DNAJC21: variants seen among roughly 807,000 people sequenced by gnomAD.
The protein encoded by DNAJC21 is dnaJ homolog subfamily C member 21.
DNAJC21 carries 63 observed loss-of-function variants against 72.4 expected under a neutral mutation model. The ratio of observed to expected loss-of-function variants is 0.87; its 90% confidence interval spans 0.71 to 1.07. DNAJC21 has a LOEUF of 1.07. Ranked by LOEUF, DNAJC21 falls within the 50% of genes least tolerant of loss-of-function variation. DNAJC21 has a pLI of 0.00. For missense variants in DNAJC21, 634 were observed against 644.8 expected (o/e 0.98, Z 0.18); for synonymous variants, 203 against 216.7 (o/e 0.94, Z 0.56).
chr5:34,937,462 G>A lies in DNAJC21; in HGVS notation c.575G>A (p.Arg192Gln), dbSNP rs372281449. 15 of 1,613,966 alleles carry A rather than the reference G, an allele frequency of 9.3e-6. No individual in the cohort carries two copies. The highest frequency in any genetic ancestry group is 2.2e-5 in the South Asian group (2 of 91,074). Residue 192 changes from arginine (R) to glutamine (Q), a missense_variant, in exon 5 of 12, where the codon CGG becomes CAG. Coordinates refer to ENST00000648817, the MANE Select transcript of DNAJC21 (RefSeq NM_001012339.3). ...RAMEKENKKI[R>Q]DKARKEKNEL... ...ATGGAAAAAGAAAACAAAAAGATTC[G>A]GGACAAAGCAAGGAAAGAGAAGAAT... is the stretch of plus-strand genomic sequence containing the variant.
Position 34,950,173 on chromosome 5 carries a change from T to C in DNAJC21, c.1189T>C (p.Tyr397His). Residue 397 changes from tyrosine (Y) to histidine (H), a missense_variant, in exon 10 of 12, where the codon TAT becomes CAT. Transcript: ENST00000648817. ...GCACATATGTTTTATTACCTAGAAT[T>C]ATGATGACAATTTCAATGTAAATGG... ...KKKKQKPAQN[Y>H]DDNFNVNGPG... 2 of 1,603,004 alleles carry C rather than the reference T, an allele frequency of 1.2e-6. No individual in the cohort carries two copies. The highest frequency in any genetic ancestry group is 1.7e-6 in the Non-Finnish European group (2 of 1,176,416).
chr5:34,946,004 A>T (rs1008541719), intron 9 of DNAJC21, among the ~76,000 whole-genome samples: 1 of 152,168 alleles, frequency 6.6e-6, no homozygotes, highest in African/African-American at 2.4e-5. Context: ...AACAAACTTA[A>T]TTATGACTGC....
rs1352873180 is a variant in DNAJC21 at position 34,954,696 on chromosome 5, GA to G, written c.1581del (p.Lys527AsnfsTer14). 1 of 1,607,662 alleles carries G rather than the reference GA, an allele frequency of 6.2e-7. No homozygotes were observed. Among genetic ancestry groups the G allele is most frequent in the Admixed American group, 1.7e-5 (1 of 58,674 alleles). ...CAACAAGTAGTCAAAGCAAGAAAGA[GA>G]AACGTAAAAACAGATAGAGATTCTG... ...SATSSQSKKE[K>X]RKNR On this transcript the variant is annotated frameshift_variant, in exon 12 of 12. Transcript: ENST00000648817. LOFTEE classifies it high-confidence loss of function.
At chr5:34,944,596 G>A (rs1765111295) in intron 7 of DNAJC21, among the ~76,000 whole-genome samples, 1 of 151,944 alleles carries the variant, frequency 6.6e-6, no homozygotes, top group Non-Finnish European at 1.5e-5. Flanking sequence ...GTAGATAAAA[G>A]GACAGAGAAA....
At chr5:34,938,397 G>A (rs1336333557) in intron 5 of DNAJC21, among the ~76,000 whole-genome samples, 1 of 152,210 alleles carries the variant, frequency 6.6e-6, no homozygotes, top group African/African-American at 2.4e-5. Flanking sequence ...CCACCGTGCA[G>A]TACTGCCTTT....
chr5:34,940,418 A>G (rs1365872286), intron 6 of DNAJC21, among the ~76,000 whole-genome samples: 1 of 152,230 alleles, frequency 6.6e-6, no homozygotes, highest in Non-Finnish European at 1.5e-5. Flanking sequence ...AACATGTAGA[A>G]TATGGAAGAT....
intron 4 of DNAJC21, 123 bp from the exon 5 acceptor site, chr5:34,937,203 T>G: frequency 2.0e-6 from 2 of 977,774 alleles, no homozygotes; most frequent in Non-Finnish European, 1.5e-6. Context: ...TCTCCAGAGA[T>G]TATTAGAAGT....
At chr5:34,933,584 G>A (rs576518361) in intron 1 of DNAJC21, among the ~76,000 whole-genome samples, 2 of 152,242 alleles carry the variant, frequency 1.3e-5, no homozygotes, top group African/African-American at 2.4e-5. Context: ...CAGCCCAGTT[G>A]ACTGTTTAGT....
intron 9 of DNAJC21, among the ~76,000 whole-genome samples, chr5:34,948,633 A>G (rs748546930): frequency 1.3e-5 from 2 of 152,224 alleles, no homozygotes; most frequent in East Asian, 1.9e-4. Flanking sequence ...TTGGGAGGCC[A>G]AGGCGGGTGG....
Position 34,954,777 on chromosome 5 carries a change from A to G in DNAJC21, c.*63A>G. The G allele has an allele frequency of 6.9e-7, 1 of 1,453,218 alleles. No homozygotes were observed. Among genetic ancestry groups the G allele is most frequent in the African/African-American group, 1.4e-5 (1 of 69,542 alleles). The allele number at this position is 1,453,218 out of a possible 1,614,324, so 90.0% of individuals were successfully genotyped here. On this transcript the variant is annotated 3_prime_UTR_variant, in exon 12 of 12. Coordinates refer to ENST00000648817, the MANE Select transcript of DNAJC21 (RefSeq NM_001012339.3). ...TTTGAAACCAAAAAACTGAACTGAAATCATCTAAAGAGTTAAAATTTCAGT... is the reference window on the plus strand; with the variant it reads ...TTTGAAACCAAAAAACTGAACTGAAGTCATCTAAAGAGTTAAAATTTCAGT...
intron 9 of DNAJC21, among the ~76,000 whole-genome samples, chr5:34,946,556 T>C (rs1765179982): frequency 6.6e-6 from 1 of 152,158 alleles, no homozygotes; most frequent in South Asian, 2.1e-4. Context: ...TAATAGTCTT[T>C]TTTAAAATCA....
At chr5:34,946,263 A>G (rs1339438166) in intron 9 of DNAJC21, among the ~76,000 whole-genome samples, 2 of 152,050 alleles carry the variant, frequency 1.3e-5, no homozygotes, top group Non-Finnish European at 1.5e-5. Context: ...AAATGTTTCT[A>G]TTTTTCTGAA....
intron 2 of DNAJC21, 68 bp downstream of exon 2, chr5:34,933,976 G>GT: frequency 7.0e-7 from 1 of 1,433,014 alleles, no homozygotes; most frequent in Non-Finnish European, 9.5e-7. Context: ...ATAGGTGGTT[G>GT]TTTTTTCAAA....
At position 34,940,781 on chromosome 5, in the gene DNAJC21, C is replaced by A. The variant is rs184458379; in HGVS notation, c.896-315C>A. ...GCTCAAGAGGTAAACTAAGAAAAGA[C>A]CTTTTTTGAAAAACTGCTTCGTGGT... On this transcript the variant is annotated intron_variant, in intron 6 of 11. Transcript: ENST00000648817. Among the ~76,000 whole-genome samples, 6 of 152,210 alleles carry A rather than the reference C, an allele frequency of 3.9e-5. No homozygotes were observed. The South Asian group carries it at 1.0e-3, about 26-fold the overall frequency.
chr5:34,954,679 A>G lies in DNAJC21; in HGVS notation c.1561A>G (p.Ser521Gly), dbSNP rs759823729. 3.7e-6 allele frequency: 6 copies of G among 1,611,162 alleles called. No homozygotes were observed. In the Admixed American group the frequency reaches 8.4e-5, roughly 23 times the overall value. The change falls in exon 12 of 12, where the codon AGT (serine) becomes GGT (glycine). Residue 521 changes from serine to glycine, a missense_variant. Ser to Gly is a moderately conservative substitution (Grantham distance 56). Transcript: ENST00000648817. ...ATCGTCTTTAAACAGCGCAACAAGT[A>G]GTCAAAGCAAGAAAGAGAAACGTAA... is the stretch of plus-strand genomic sequence containing the variant. ...SSSSLNSATS[S>G]QSKKEKRKNR is the part of the protein sequence containing the mutation.
intron 5 of DNAJC21, among the ~76,000 whole-genome samples, chr5:34,937,943 A>G (rs1764849434): frequency 6.6e-6 from 1 of 151,928 alleles, no homozygotes; most frequent in African/African-American, 2.4e-5. Context: ...TGCAGGTGTA[A>G]TATGCCACCA....
chr5:34,930,755 A>G (rs2112010842), intron 1 of DNAJC21, among the ~76,000 whole-genome samples: 1 of 152,328 alleles, frequency 6.6e-6, no homozygotes, highest in Middle Eastern at 3.4e-3. Flanking sequence ...AATATATGCA[A>G]GTCACTGCAC....
rs1208698841 is a variant in DNAJC21, at chr5:34,938,957, T to A, written c.843T>A (p.Asp281Glu). The change falls in exon 6 of 12, where the codon GAT (aspartate) becomes GAA (glutamate). Residue 281 changes from aspartate to glutamate, a missense_variant. Coordinates refer to ENST00000648817, the MANE Select transcript of DNAJC21 (RefSeq NM_001012339.3). ...CACGGTACGAGAAGGAGTTTGGAGA[T>A]GGATCGGATGAAAATGAAATGGAAG... ...MEARYEKEFG[D>E]GSDENEMEEH... 3.1e-6 allele frequency: 5 copies of A among 1,613,890 alleles called. No individual in the cohort carries two copies. Among genetic ancestry groups the A allele is most frequent in the Non-Finnish European group, 4.2e-6 (5 of 1,179,890 alleles).
Position 34,956,052 on chromosome 5 carries a change from CAAAAAAAAAAAAA to C in DNAJC21, c.*1349_*1361del, listed in dbSNP as rs372749678. On this transcript the variant is annotated 3_prime_UTR_variant, in exon 12 of 12. Coordinates refer to ENST00000648817, the MANE Select transcript of DNAJC21 (RefSeq NM_001012339.3). ...TGGGCGACAGAGCGAGACTCCGTCTCAAAAAAAAAAAAAAAAAAAAAAAGAAAGTAATTTTAAA... is the reference window on the plus strand; with the variant it reads ...TGGGCGACAGAGCGAGACTCCGTCTCAAAAAAAAAAGAAAGTAATTTTAAA... The C allele has an allele frequency of 9.1e-5, 5 of 54,758 alleles. No homozygotes were observed. In the East Asian group the frequency reaches 1.6e-3, roughly 17 times the overall value. 3.4% of individuals were successfully genotyped at this position (54,758 alleles called of 1,614,324 possible).
Sources: allele counts gnomAD v4.1 joint callset (sites outside exome capture counted in the v4.1 genomes callset), GRCh38; gene constraint gnomAD v4.1.1; transcripts MANE v1.5; gene names NCBI Gene and HGNC (gene_info 2026-07-23, HGNC 2026-07-21).